The following SEMA5A variants were observed in gnomAD, a reference collection of about 807,000 sequenced individuals.
The protein encoded by SEMA5A is semaphorin 5A.
A neutral mutation model predicts 135.5 loss-of-function variants in SEMA5A; 55 were observed. The observed-to-expected ratio is 0.41, with a 90% CI of 0.33 to 0.51. The LOEUF is 0.51. Among genes scored for constraint, SEMA5A ranks in the 20% least tolerant of loss-of-function variants. The pLI is 0.37. For missense variants in SEMA5A, 1,290 were observed against 1,419.9 expected (o/e 0.91, Z 1.47); for synonymous variants, 580 against 546.5 (o/e 1.06, Z -0.85).
chr5:9,172,471 A>G (rs1191758907), intron 11 of SEMA5A, among the ~76,000 whole-genome samples: 2 of 152,216 alleles, frequency 1.3e-5, no homozygotes, highest in African/African-American at 2.4e-5. Flanking sequence ...GAAGGCCTAA[A>G]TGAAGTTTCT....
chr5:9,392,079 G>C (rs559157314), intron 2 of SEMA5A, among the ~76,000 whole-genome samples: 2 of 152,220 alleles, frequency 1.3e-5, no homozygotes, highest in South Asian at 4.1e-4. Context: ...TTAGATCCTA[G>C]ATCTTTTTCT....
At chr5:9,353,197 A>G in intron 3 of SEMA5A, among the ~76,000 whole-genome samples, 1 of 112,902 alleles carries the variant, frequency 8.9e-6, no homozygotes, top group African/African-American at 3.7e-5. Context: ...AAGGGAAAGG[A>G]AAGGAAAGGA....
At chr5:9,430,058 G>A (rs903631329) in intron 2 of SEMA5A, among the ~76,000 whole-genome samples, 2 of 152,208 alleles carry the variant, frequency 1.3e-5, no homozygotes, top group African/African-American at 4.8e-5. Flanking sequence ...AGCAGTGAAG[G>A]TGCTGAGAAG....
At chr5:9,085,129 G>A (rs1738607509) in intron 16 of SEMA5A, among the ~76,000 whole-genome samples, 1 of 152,192 alleles carries the variant, frequency 6.6e-6, no homozygotes, top group Admixed American at 6.5e-5. Flanking sequence ...CTTGGGTGCT[G>A]TTAAAAGCAT....
Position 9,190,411 on chromosome 5 carries a change from G to A in SEMA5A, c.1129C>T (p.Gln377Ter). 1 of 1,613,942 alleles carries A rather than the reference G, an allele frequency of 6.2e-7. No individual in the cohort carries two copies. The highest frequency in any genetic ancestry group is 8.5e-7 in the Non-Finnish European group (1 of 1,180,022). The change falls in exon 11 of 23, where the codon CAG becomes TAG. Residue 377 changes from glutamine (Q) to a stop codon, truncating the protein, a stop_gained. Transcript: ENST00000382496. LOFTEE classifies it high-confidence loss of function. Reference protein sequence around the residue: ...NLTERNLQDAQKFILMHEVVQ... With the variant: ...NLTERNLQDA Reference sequence around the variant, plus strand: ...ACCTCATGCATCAGAATGAACTTCTGAGCATCCTGCAGATTTCTCTCGGTC... The same window carrying A: ...ACCTCATGCATCAGAATGAACTTCTAAGCATCCTGCAGATTTCTCTCGGTC...
chr5:9,543,479 A>G (rs538487522), intron 1 of SEMA5A, among the ~76,000 whole-genome samples: 2 of 152,336 alleles, frequency 1.3e-5, no homozygotes, highest in East Asian at 3.9e-4. Flanking sequence ...TCCTCTGGAC[A>G]GAGACAAGCT....
chr5:9,330,420 TTTTTGTTTTTG>T (rs1368794039), intron 4 of SEMA5A, among the ~76,000 whole-genome samples: 6 of 150,154 alleles, frequency 4.0e-5, no homozygotes, highest in African/African-American at 1.5e-4. Flanking sequence ...AGATTAGTTT[TTTTTGTTTTTG>T]TTTTTGTTTT....
At chr5:9,254,919 G>GC (rs935835080) in intron 5 of SEMA5A, among the ~76,000 whole-genome samples, 6 of 152,198 alleles carry the variant, frequency 3.9e-5, no homozygotes, top group Non-Finnish European at 8.8e-5. Flanking sequence ...AATTCAATAA[G>GC]CTTGAATAAG....
chr5:9,073,126 A>G (rs1444359849), intron 16 of SEMA5A, among the ~76,000 whole-genome samples: 2 of 152,190 alleles, frequency 1.3e-5, no homozygotes, highest in African/African-American at 2.4e-5. Context: ...CCAGACAAAG[A>G]CAGAAAGAAA....
chr5:9,077,241 T>C (rs576426463), intron 16 of SEMA5A, among the ~76,000 whole-genome samples: 67 of 152,272 alleles, frequency 4.4e-4, no homozygotes, highest in Non-Finnish European at 8.2e-4. Context: ...TTGCTTTAGA[T>C]TTACTTAGCC....
chr5:9,335,255 C>A (rs1412204620), intron 4 of SEMA5A, among the ~76,000 whole-genome samples: 1 of 152,140 alleles, frequency 6.6e-6, no homozygotes, highest in Non-Finnish European at 1.5e-5. Context: ...GAGAGAGACA[C>A]CCCACTGACA....
chr5:9,280,569 C>T (rs145716227), intron 5 of SEMA5A, among the ~76,000 whole-genome samples: 1,641 of 152,324 alleles, frequency 0.011, 8 homozygotes, highest in Middle Eastern at 0.027. Context: ...CAAATTATAT[C>T]AAGGATGACA....
intron 1 of SEMA5A, among the ~76,000 whole-genome samples, chr5:9,543,457 G>A (rs1029063421): frequency 6.6e-6 from 1 of 152,098 alleles, no homozygotes; most frequent in African/African-American, 2.4e-5. Flanking sequence ...AATTCTGAAC[G>A]TCTCAAAAAT....
intron 11 of SEMA5A, among the ~76,000 whole-genome samples, chr5:9,184,461 G>A (rs138230072): frequency 5.3e-4 from 80 of 152,226 alleles, no homozygotes; most frequent in African/African-American, 1.7e-3. Context: ...CACAGACAGG[G>A]TTCTTTGGTT....
At chr5:9,319,743 T>C (rs1343403605) in intron 4 of SEMA5A, among the ~76,000 whole-genome samples, 2 of 149,930 alleles carry the variant, frequency 1.3e-5, no homozygotes, top group Admixed American at 6.7e-5. Flanking sequence ...CCAAGGATGC[T>C]GTTATAATGG....
intron 5 of SEMA5A, among the ~76,000 whole-genome samples, chr5:9,242,503 C>A (rs547441903): frequency 6.6e-6 from 1 of 152,142 alleles, no homozygotes; most frequent in Non-Finnish European, 1.5e-5. Context: ...ACAATTATAA[C>A]CTCAAAATCA....
chr5:9,303,795 A>C (rs1183829043), intron 5 of SEMA5A, among the ~76,000 whole-genome samples: 6 of 152,228 alleles, frequency 3.9e-5, no homozygotes, highest in African/African-American at 1.4e-4. Flanking sequence ...CAAAGAAACA[A>C]AAGACAATCC....
chr5:9,216,103 C>T (rs1746607105), intron 8 of SEMA5A, among the ~76,000 whole-genome samples: 1 of 152,094 alleles, frequency 6.6e-6, no homozygotes. Flanking sequence ...TGAGGTCTTC[C>T]TAACTTTTTG....
intron 8 of SEMA5A, among the ~76,000 whole-genome samples, chr5:9,205,611 AATGTT>A (rs1384786440): frequency 1.3e-5 from 2 of 152,178 alleles, no homozygotes; most frequent in Non-Finnish European, 2.9e-5. Flanking sequence ...ACCCTGAACC[AATGTT>A]ATAAGATCAC....
Sources: allele counts gnomAD v4.1 joint callset (sites outside exome capture counted in the v4.1 genomes callset), GRCh38; gene constraint gnomAD v4.1.1; transcripts MANE v1.5; gene names NCBI Gene and HGNC (gene_info 2026-07-23, HGNC 2026-07-21).